Variants in VWC2 observed in about 807,000 individuals in gnomAD.
The protein encoded by VWC2 is von Willebrand factor C domain containing 2, also known as brorin.
In VWC2, 14 loss-of-function variants were observed where a neutral mutation model predicts 29.8. The observed-to-expected ratio is 0.47, with a 90% CI of 0.31 to 0.74. VWC2 has a LOEUF of 0.74. Ranked by LOEUF, VWC2 falls within the 30% of genes least tolerant of loss-of-function variation. The probability of loss-of-function intolerance (pLI) is 0.05; values close to 1 mark genes in which losing one functional copy is unlikely to be tolerated. For synonymous variants in VWC2, 213 were observed against 199.0 expected (o/e 1.07, Z -0.59); for missense variants, 457 against 459.8 (o/e 0.99, Z 0.05).
chr7:49,821,364 A>T (rs1789257987), intron 3 of VWC2, among the ~76,000 whole-genome samples: 1 of 152,218 alleles, frequency 6.6e-6, no homozygotes, highest in Non-Finnish European at 1.5e-5. Flanking sequence ...CAAGACAATG[A>T]TGTAACACAC....
chr7:49,861,131 C>T (rs760168826), intron 3 of VWC2, among the ~76,000 whole-genome samples: 1 of 152,196 alleles, frequency 6.6e-6, no homozygotes, highest in Non-Finnish European at 1.5e-5. Context: ...AATTTACAAG[C>T]ATTACAATTT....
chr7:49,859,782 G>A (rs1391439521), intron 3 of VWC2, among the ~76,000 whole-genome samples: 3 of 102,556 alleles, frequency 2.9e-5, no homozygotes, highest in Non-Finnish European at 5.9e-5. Context: ...CTTACAGTGC[G>A]CGTGCGTGCA....
At chr7:49,806,706 G>A (rs1011706047) in intron 3 of VWC2, among the ~76,000 whole-genome samples, 1 of 151,948 alleles carries the variant, frequency 6.6e-6, no homozygotes, top group Non-Finnish European at 1.5e-5. Context: ...CAGTGGGTTA[G>A]ACAAAACGGA....
intron 3 of VWC2, among the ~76,000 whole-genome samples, chr7:49,820,747 C>A (rs1429635158): frequency 2.6e-5 from 4 of 152,200 alleles, no homozygotes; most frequent in Non-Finnish European, 5.9e-5. Context: ...TTTATCCTTG[C>A]AATGCCTTGC....
intron 3 of VWC2, among the ~76,000 whole-genome samples, chr7:49,887,534 A>ATAC (rs1554339766): frequency 6.6e-6 from 1 of 151,754 alleles, no homozygotes; most frequent in East Asian, 1.9e-4. Context: ...ACCATGCTGT[A>ATAC]TTCTTAAATG....
chr7:49,899,123 C>G (rs1792567632), intron 3 of VWC2, among the ~76,000 whole-genome samples: 1 of 151,986 alleles, frequency 6.6e-6, no homozygotes, highest in Admixed American at 6.6e-5. Flanking sequence ...ACTATCCCCC[C>G]TTATCCACAA....
chr7:49,800,232 T>C (rs1368115862), intron 2 of VWC2, among the ~76,000 whole-genome samples: 2 of 152,174 alleles, frequency 1.3e-5, no homozygotes, highest in Non-Finnish European at 2.9e-5. Context: ...TGCCAAGGTG[T>C]GCACCTTCAT....
intron 3 of VWC2, among the ~76,000 whole-genome samples, chr7:49,885,205 C>T (rs1401211482): frequency 1.3e-5 from 2 of 151,984 alleles, no homozygotes; most frequent in East Asian, 1.9e-4. Context: ...AATTTAGTTC[C>T]AGAGAAGTTT....
chr7:49,883,246 G>A (rs756471742), intron 3 of VWC2, among the ~76,000 whole-genome samples: 2 of 152,086 alleles, frequency 1.3e-5, no homozygotes, highest in African/African-American at 2.4e-5. Flanking sequence ...CCAGGGAGGC[G>A]TCTTTCCAGA....
chr7:49,780,135 A>C (rs947374821), intron 2 of VWC2, among the ~76,000 whole-genome samples: 1 of 152,258 alleles, frequency 6.6e-6, no homozygotes, highest in African/African-American at 2.4e-5. Flanking sequence ...ATCAGCACAC[A>C]TGATGGGAAA....
chr7:49,865,551 T>C (rs190782348), intron 3 of VWC2, among the ~76,000 whole-genome samples: 5 of 152,330 alleles, frequency 3.3e-5, no homozygotes, highest in Middle Eastern at 3.4e-3. Flanking sequence ...AGCTAACTCA[T>C]AATCCTCCAC....
At chr7:49,820,880 C>A (rs1472950010) in intron 3 of VWC2, among the ~76,000 whole-genome samples, 1 of 152,048 alleles carries the variant, frequency 6.6e-6, no homozygotes. Flanking sequence ...ATAGGTGCAG[C>A]CCAGGTACAG....
At chr7:49,783,167 A>T (rs1188696222) in intron 2 of VWC2, among the ~76,000 whole-genome samples, 1 of 152,136 alleles carries the variant, frequency 6.6e-6, no homozygotes, top group Admixed American at 6.5e-5. Context: ...CAACGGAAAC[A>T]TTATTCTTAC....
intron 3 of VWC2, among the ~76,000 whole-genome samples, chr7:49,809,334 T>C (rs925385886): frequency 6.6e-6 from 1 of 151,996 alleles, no homozygotes; most frequent in African/African-American, 2.4e-5. Context: ...TCAGTTCATT[T>C]CTGAATTGTC....
chr7:49,898,237 A>G (rs930737350), intron 3 of VWC2, among the ~76,000 whole-genome samples: 1 of 152,104 alleles, frequency 6.6e-6, no homozygotes, highest in South Asian at 2.1e-4. Context: ...ACACAAACAC[A>G]CAGATATAAG....
At chr7:49,922,120 AT>A (rs1794044428), downstream of VWC2, among the ~76,000 whole-genome samples, 1 of 152,148 alleles carries the variant, frequency 6.6e-6, no homozygotes, top group Admixed American at 6.5e-5. Context: ...TCACTCAAAT[AT>A]GTAACTTTTA....
chr7:49,908,262 A>T (rs1174618762), intron 3 of VWC2, among the ~76,000 whole-genome samples: 2 of 152,148 alleles, frequency 1.3e-5, no homozygotes, highest in Non-Finnish European at 2.9e-5. Flanking sequence ...ATAATGAGGC[A>T]TGTCCAACGC....
chr7:49,857,690 C>T (rs1406343977), intron 3 of VWC2, among the ~76,000 whole-genome samples: 1 of 152,112 alleles, frequency 6.6e-6, no homozygotes, highest in East Asian at 1.9e-4. Context: ...ACCCTTGTGA[C>T]TCTTGGTGGG....
intron 3 of VWC2, among the ~76,000 whole-genome samples, chr7:49,885,627 C>A (rs895116704): frequency 6.6e-6 from 1 of 152,144 alleles, no homozygotes; most frequent in African/African-American, 2.4e-5. Flanking sequence ...TAAGAAAATA[C>A]CTCCTCTCAT....
Sources: allele counts gnomAD v4.1 joint callset (sites outside exome capture counted in the v4.1 genomes callset), GRCh38; gene constraint gnomAD v4.1.1; transcripts MANE v1.5; gene names NCBI Gene and HGNC (gene_info 2026-07-23, HGNC 2026-07-21).